The following SVEP1 variants were observed in gnomAD, a reference collection of about 807,000 sequenced individuals.
SVEP1 encodes sushi, von Willebrand factor type A, EGF and pentraxin domain containing 1.
In SVEP1, 164 loss-of-function variants were observed where a neutral mutation model predicts 367.3. The ratio of observed to expected loss-of-function variants is 0.45; its 90% CI spans 0.39 to 0.51. The LOEUF (loss-of-function observed/expected upper bound fraction) is 0.51, where lower values mean the gene tolerates loss of function less well. SVEP1 is among the 20% of genes least tolerant of loss of function. The probability of loss-of-function intolerance (pLI) is 0.00; values close to 1 mark genes in which losing one functional copy is unlikely to be tolerated. For synonymous variants in SVEP1, 1,666 were observed against 1,611.6 expected, an observed-to-expected ratio of 1.03 and a Z score of -0.81; for missense variants, 4,117 against 4,425.3, an observed-to-expected ratio of 0.93 and a Z score of 1.98.
At chr9:110,472,363 G>A (rs779439277) in intron 14 of SVEP1, 40 bp from the exon 15 acceptor site, 2 of 1,522,374 alleles carry the variant, frequency 1.3e-6, no homozygotes, top group Admixed American at 2.4e-5. Context: ...TCACACAGTT[G>A]CTTTTTCGTC....
intron 8 of SVEP1, 89 bp from the exon 9 acceptor site, chr9:110,489,868 T>C: frequency 7.2e-7 from 1 of 1,385,616 alleles, no homozygotes; most frequent in Non-Finnish European, 9.5e-7. Context: ...ATGTTAACAA[T>C]GATACAATAT....
At chr9:110,548,321 A>G (rs1830244363) in intron 2 of SVEP1, among the ~76,000 whole-genome samples, 1 of 152,300 alleles carries the variant, frequency 6.6e-6, no homozygotes, top group South Asian at 2.1e-4. Flanking sequence ...TGTTAAATAA[A>G]TTGCCTAGGG....
chr9:110,562,874 T>A (rs73534550), intron 1 of SVEP1, among the ~76,000 whole-genome samples: 16,859 of 152,076 alleles, frequency 0.11, 1,158 homozygotes, highest in East Asian at 0.33. Context: ...GTATTTTTAG[T>A]AGAGATGGGG....
Position 110,465,972 on chromosome 9 carries a change from C to T in SVEP1, c.3215G>A (p.Cys1072Tyr). ...SYSGLETCES[C>Y]PLGTYQPKFG... ...TTTTGGCTGATAAGTGCCCAGTGGA[C>T]ACGATTCACAAGTCTCAAGTCCACT... The change falls in exon 18 of 48, where the codon TGT (cysteine) becomes TAT (tyrosine). Residue 1072 changes from cysteine (C) to tyrosine (Y), a missense_variant. Physicochemically the swap from Cys to Tyr is radical, Grantham distance 194. This residue lies in a region of SVEP1 where 2,174 missense variants were observed against 2,494.3 expected (regional missense o/e 0.87). Coordinates refer to ENST00000374469, the MANE Select transcript of SVEP1 (RefSeq NM_153366.4). The T allele has an allele frequency of 6.2e-7, 1 of 1,613,402 alleles. No homozygotes were observed.
chr9:110,410,698 T>G (rs1828031386), intron 37 of SVEP1, among the ~76,000 whole-genome samples: 1 of 152,216 alleles, frequency 6.6e-6, no homozygotes. Flanking sequence ...CTTCACTACC[T>G]GTAGATTTTA....
chr9:110,393,440 G>A (rs10817008), intron 40 of SVEP1, among the ~76,000 whole-genome samples: 46,499 of 152,108 alleles, frequency 0.31, 7,206 homozygotes, highest in Middle Eastern at 0.33. Context: ...AGCTCCCAGC[G>A]TGAGCGACGC....
At chr9:110,557,216 C>T (rs1014139531) in intron 1 of SVEP1, among the ~76,000 whole-genome samples, 2 of 152,204 alleles carry the variant, frequency 1.3e-5, no homozygotes, top group Non-Finnish European at 2.9e-5. Flanking sequence ...TCTCATCCTA[C>T]TTCCAAGCTT....
intron 3 of SVEP1, among the ~76,000 whole-genome samples, chr9:110,527,662 T>C (rs1829956695): frequency 6.6e-6 from 1 of 152,090 alleles, no homozygotes; most frequent in Non-Finnish European, 1.5e-5. Context: ...GTTTATTGCC[T>C]ATTTGTAATT....
intron 26 of SVEP1, among the ~76,000 whole-genome samples, chr9:110,445,221 G>A (rs929072736): frequency 7.9e-5 from 12 of 152,302 alleles, no homozygotes; most frequent in East Asian, 5.8e-4. Context: ...GTTGGCCAAC[G>A]ATGGAAGTCC....
At chr9:110,443,843 A>G (rs1828551056) in intron 26 of SVEP1, 123 bp from the exon 27 acceptor site, 2 of 777,852 alleles carry the variant, frequency 2.6e-6, no homozygotes, top group South Asian at 7.7e-5. Flanking sequence ...GTGTAAATCC[A>G]TTACTCTTTT....
intron 42 of SVEP1, 90 bp from the exon 43 acceptor site, chr9:110,386,164 T>C (rs1827519025): frequency 7.1e-7 from 1 of 1,404,312 alleles, no homozygotes; most frequent in Middle Eastern, 1.9e-4. Flanking sequence ...CTATAAGAGA[T>C]GGGTTCTCAA....
chr9:110,432,150 T>A lies in SVEP1; in HGVS notation c.5234-116A>T. 3 of 1,171,238 alleles carry A rather than the reference T, an allele frequency of 2.6e-6. No individual in the cohort carries two copies. In the South Asian group the frequency reaches 5.2e-5, roughly 20 times the overall value. 72.6% of individuals were successfully genotyped at this position (1,171,238 alleles called of 1,614,324 possible). ...CGTAATGCACAACACTTCATATATT[T>A]GTATAGAATTTAAATATAACAGTCA... On this transcript the variant is annotated intron_variant, in intron 31 of 47. Coordinates refer to ENST00000374469, the MANE Select transcript of SVEP1 (RefSeq NM_153366.4).
chr9:110,492,846 A>AC (rs1369747409), intron 8 of SVEP1, among the ~76,000 whole-genome samples: 8 of 152,006 alleles, frequency 5.3e-5, no homozygotes, highest in Non-Finnish European at 2.9e-5. Context: ...CCATAGATTC[A>AC]CCCCAATGTG....
chr9:110,394,283 G>A (rs1170103084), intron 40 of SVEP1, among the ~76,000 whole-genome samples: 1 of 152,178 alleles, frequency 6.6e-6, no homozygotes, highest in Non-Finnish European at 1.5e-5. Context: ...CCGACCTGCA[G>A]CTGAGGGTCC....
chr9:110,424,042 A>G (rs1388035237), intron 36 of SVEP1, among the ~76,000 whole-genome samples: 2 of 152,222 alleles, frequency 1.3e-5, no homozygotes, highest in African/African-American at 4.8e-5. Context: ...CTCACATATT[A>G]TTGTTTAGAG....
At chr9:110,480,154 A>G (rs754246416) in intron 12 of SVEP1, among the ~76,000 whole-genome samples, 59 of 152,328 alleles carry the variant, frequency 3.9e-4, no homozygotes, top group East Asian at 5.8e-4. Context: ...GCATTGAAAC[A>G]TTTCTAAATA....
In SVEP1 at chr9:110,404,497, C is replaced by T; in HGVS notation, c.9496G>A (p.Asp3166Asn). The change falls in exon 39 of 48, where the codon GAT becomes AAT. Residue 3166 changes from aspartate to asparagine, a missense_variant. Transcript: ENST00000374469. ...TDTDTFTCQK[D>N]GRWFPERISC... is the part of the protein sequence containing the mutation. ...ATTCTCTCAGGGAACCAGCGACCAT[C>T]TTTCTGACAGGTGAATGTATCTGTA... 1 of 1,614,026 alleles carries T rather than the reference C, an allele frequency of 6.2e-7. No homozygotes were observed. The highest frequency in any genetic ancestry group is 8.5e-7 in the Non-Finnish European group (1 of 1,179,888).
intron 40 of SVEP1, among the ~76,000 whole-genome samples, chr9:110,397,071 G>A (rs1180901975): frequency 6.6e-6 from 1 of 152,190 alleles, no homozygotes; most frequent in Non-Finnish European, 1.5e-5. Flanking sequence ...TATCCTTGAT[G>A]AACATTGATG....
intron 1 of SVEP1, among the ~76,000 whole-genome samples, chr9:110,553,876 T>A (rs936774658): frequency 6.6e-6 from 1 of 152,214 alleles, no homozygotes; most frequent in East Asian, 1.9e-4. Context: ...ATCTCCTGTG[T>A]CTTCCTGTAT....
Sources: gnomAD v4.1 joint callset for allele counts (sites outside exome capture counted in the v4.1 genomes callset) on GRCh38, gnomAD v4.1.1 for gene constraint, gnomAD v4.1.1 regional missense constraint, MANE v1.5 for transcripts, NCBI Gene and HGNC (gene_info 2026-07-23, HGNC 2026-07-21) for gene names.